The following ARHGAP22 variants were observed in gnomAD, a reference collection of about 807,000 sequenced individuals.
ARHGAP22 encodes Rho GTPase activating protein 22.
In ARHGAP22, 48 loss-of-function variants were observed where a neutral mutation model predicts 59.1. That is an observed-to-expected ratio of 0.81 (90% CI 0.64 to 1.03). The LOEUF is 1.03. Among genes scored for constraint, ARHGAP22 ranks in the 50% least tolerant of loss-of-function variants. ARHGAP22 has a pLI of 0.00. For missense variants in ARHGAP22, 1,015 were observed against 958.7 expected (o/e 1.06, Z -0.78); for synonymous variants, 445 against 416.4 (o/e 1.07, Z -0.84).
chr10:48,454,843 G>A (rs1486015483), intron 6 of ARHGAP22, among the ~76,000 whole-genome samples, 159 bp downstream of exon 6: 2 of 142,350 alleles, frequency 1.4e-5, no homozygotes, highest in East Asian at 2.0e-4. Context: ...CCCCACCCAA[G>A]CAGGATGCTC....
chr10:48,490,669 C>A (rs1678026708), intron 3 of ARHGAP22, among the ~76,000 whole-genome samples: 2 of 152,292 alleles, frequency 1.3e-5, no homozygotes, highest in Non-Finnish European at 2.9e-5. Context: ...ATGTTGGGAG[C>A]CCCCTGGACT....
rs76080969 is a variant in ARHGAP22 at position 48,649,132 on chromosome 10, G to A, written c.52+3102C>T. 9.5e-3 allele frequency among the ~76,000 whole-genome samples: 1,451 copies of A among 152,270 alleles called. 32 individuals carry two copies. The highest frequency in any genetic ancestry group is 0.034 in the African/African-American group (1,393 of 41,542). On this transcript the variant is annotated intron_variant, in intron 1 of 9. Transcript: ENST00000435790. ...CCATCAATAGCTCCCTATGCCTCAC[G>A]AGAACAAGTCCAAGTTTCTGAATAT...
At chr10:48,494,857 C>G (rs1472189380) in intron 3 of ARHGAP22, among the ~76,000 whole-genome samples, 2 of 152,212 alleles carry the variant, frequency 1.3e-5, no homozygotes, top group South Asian at 2.1e-4. Context: ...CAAGCTCACC[C>G]TCTTCCCACC....
intron 9 of ARHGAP22, among the ~76,000 whole-genome samples, chr10:48,447,357 G>A (rs2045462630): frequency 6.6e-6 from 1 of 152,200 alleles, no homozygotes; most frequent in Admixed American, 6.5e-5. Context: ...TGCCCAGCCT[G>A]GTGACCTCTG....
At chr10:48,654,057 A>G (rs1390352785), upstream of ARHGAP22, among the ~76,000 whole-genome samples, 2 of 152,244 alleles carry the variant, frequency 1.3e-5, no homozygotes, top group Non-Finnish European at 2.9e-5. Context: ...ACCACCAGGT[A>G]AGAAACTTTC....
At chr10:48,543,160 G>T (rs1253899170) in intron 3 of ARHGAP22, among the ~76,000 whole-genome samples, 1 of 152,180 alleles carries the variant, frequency 6.6e-6, no homozygotes, top group Non-Finnish European at 1.5e-5. Context: ...TGGTGCAGGG[G>T]CTAGCCCTAG....
chr10:48,458,319 G>A (rs2133761525), intron 5 of ARHGAP22, among the ~76,000 whole-genome samples: 1 of 152,204 alleles, frequency 6.6e-6, no homozygotes, highest in African/African-American at 2.4e-5. Flanking sequence ...AGTCAGGTCT[G>A]CATGGAACCC....
intron 3 of ARHGAP22, among the ~76,000 whole-genome samples, chr10:48,548,495 A>G (rs1452249803): frequency 6.6e-6 from 1 of 152,248 alleles, no homozygotes; most frequent in Non-Finnish European, 1.5e-5. Flanking sequence ...GGATTTTAGC[A>G]ATGAGTTACA....
chr10:48,630,543 C>T (rs1330771816), intron 1 of ARHGAP22, among the ~76,000 whole-genome samples: 1 of 152,156 alleles, frequency 6.6e-6, no homozygotes, highest in Non-Finnish European at 1.5e-5. Context: ...ATAGGTATTT[C>T]ATTTTTATGC....
intron 3 of ARHGAP22, among the ~76,000 whole-genome samples, chr10:48,533,928 G>T (rs897987139): frequency 3.3e-5 from 5 of 152,274 alleles, no homozygotes; most frequent in Admixed American, 2.6e-4. Flanking sequence ...GTGACAGATT[G>T]TGGAAAAGCA....
chr10:48,435,056 G>GGGC, the ARHGAP22 span: 1 of 1,214,558 alleles, frequency 8.2e-7, no homozygotes, highest in Non-Finnish European at 1.1e-6. Flanking sequence ...GGGGTGGGAG[G>GGGC]GATGGGGAGT....
intron 4 of ARHGAP22, among the ~76,000 whole-genome samples, chr10:48,473,441 C>A (rs138497904): frequency 0.012 from 1,884 of 152,296 alleles, 20 homozygotes; most frequent in Non-Finnish European, 0.019. Flanking sequence ...CTGAATTGTA[C>A]ACTGTACACT....
At chr10:48,539,124 C>T (rs969502692) in intron 3 of ARHGAP22, among the ~76,000 whole-genome samples, 1 of 151,922 alleles carries the variant, frequency 6.6e-6, no homozygotes, top group Non-Finnish European at 1.5e-5. Context: ...TTTCAGCAGC[C>T]GGAAAAAATG....
At chr10:48,468,645 C>A (rs945942002) in intron 4 of ARHGAP22, among the ~76,000 whole-genome samples, 2 of 152,210 alleles carry the variant, frequency 1.3e-5, no homozygotes, top group African/African-American at 4.8e-5. Context: ...TTTGTTAGAG[C>A]TGCAATGTGG....
chr10:48,442,914 A>G (rs930120986), downstream of ARHGAP22, among the ~76,000 whole-genome samples: 2 of 152,216 alleles, frequency 1.3e-5, no homozygotes, highest in African/African-American at 4.8e-5. Flanking sequence ...CAATGCCCAG[A>G]TAGCATAGAG....
At chr10:48,579,565 C>T (rs1259708955) in intron 2 of ARHGAP22, among the ~76,000 whole-genome samples, 1 of 152,204 alleles carries the variant, frequency 6.6e-6, no homozygotes, top group Non-Finnish European at 1.5e-5. Flanking sequence ...CTTGAACTGT[C>T]TTGTATCTAT....
At chr10:48,590,850 G>C (rs899328539) in intron 1 of ARHGAP22, among the ~76,000 whole-genome samples, 3 of 152,046 alleles carry the variant, frequency 2.0e-5, no homozygotes, top group African/African-American at 7.2e-5. Context: ...CGCATGGGCA[G>C]GGTAGGGCTG....
intron 9 of ARHGAP22, among the ~76,000 whole-genome samples, chr10:48,448,412 A>G (rs1589392728): frequency 6.6e-6 from 1 of 152,334 alleles, no homozygotes; most frequent in African/African-American, 2.4e-5. Flanking sequence ...TGCAACCCAA[A>G]TAAGAATGGG....
intron 1 of ARHGAP22, among the ~76,000 whole-genome samples, chr10:48,642,934 G>C (rs536856808): frequency 7.9e-5 from 12 of 152,336 alleles, no homozygotes; most frequent in Admixed American, 7.8e-4. Flanking sequence ...CAAAGGATAT[G>C]AACAGACTTT....
Sources: gnomAD v4.1 joint callset for allele counts (sites outside exome capture counted in the v4.1 genomes callset) on GRCh38, gnomAD v4.1.1 for gene constraint, MANE v1.5 for transcripts, NCBI Gene and HGNC (gene_info 2026-07-23, HGNC 2026-07-21) for gene names.